LAMC1: variants seen among roughly 807,000 people sequenced by gnomAD.
The protein encoded by LAMC1 is laminin subunit gamma-1.
Under a neutral mutation model 173.6 loss-of-function variants are expected in LAMC1, and 38 were observed. The observed-to-expected ratio is 0.22, with a 90% CI of 0.17 to 0.29. The LOEUF (loss-of-function observed/expected upper bound fraction) is 0.29. Ranked by LOEUF, LAMC1 falls within the 10% of genes least tolerant of loss-of-function variation. The pLI, the probability that LAMC1 is intolerant of heterozygous loss-of-function variation, is 1.00. For missense variants in LAMC1, 1,824 were observed against 2,051.8 expected, an observed-to-expected ratio of 0.89 and a Z score of 2.14; for synonymous variants, 746 against 749.1, an observed-to-expected ratio of 1.00 and a Z score of 0.07.
intron 1 of LAMC1, among the ~76,000 whole-genome samples, chr1:183,045,236 C>G (rs1654237615): frequency 6.6e-6 from 1 of 151,428 alleles, no homozygotes; most frequent in African/African-American, 2.4e-5. Flanking sequence ...GTTTATGCAG[C>G]CAAGTATTCT....
At chr1:183,025,346 T>G (rs980390875) in intron 1 of LAMC1, among the ~76,000 whole-genome samples, 6 of 152,248 alleles carry the variant, frequency 3.9e-5, no homozygotes, top group African/African-American at 1.4e-4. Flanking sequence ...CAAAAAGTAC[T>G]TTGAAAAGTG....
chr1:183,083,994 T>C (rs1655357096), intron 1 of LAMC1, among the ~76,000 whole-genome samples: 1 of 152,212 alleles, frequency 6.6e-6, no homozygotes, highest in Non-Finnish European at 1.5e-5. Flanking sequence ...TAGTTTTTCT[T>C]ACTGGTTTAT....
intron 7 of LAMC1, 21 bp downstream of exon 7, chr1:183,116,696 C>T (rs1321750381): frequency 6.2e-7 from 1 of 1,606,876 alleles, no homozygotes; most frequent in Non-Finnish European, 8.5e-7. Context: ...CTTTCTCTAG[C>T]TGCATTGTGT....
At chr1:183,114,417 C>A in intron 4 of LAMC1, 114 bp from the exon 5 acceptor site, 1 of 1,043,922 alleles carries the variant, frequency 9.6e-7, no homozygotes, top group Non-Finnish European at 1.5e-6. Flanking sequence ...CATTCTTAGT[C>A]TACCACCATC....
At chr1:183,043,399 A>G (rs965134276) in intron 1 of LAMC1, among the ~76,000 whole-genome samples, 2 of 152,212 alleles carry the variant, frequency 1.3e-5, no homozygotes, top group Non-Finnish European at 2.9e-5. Context: ...ATGAAGGATT[A>G]TGGACTTATA....
intron 1 of LAMC1, among the ~76,000 whole-genome samples, chr1:183,038,072 G>A (rs1024691075): frequency 7.1e-6 from 1 of 140,634 alleles, no homozygotes; most frequent in African/African-American, 2.7e-5. Flanking sequence ...GTCTTGCTCT[G>A]TTGCCCAGGC....
chr1:183,082,787 C>A (rs1655319948), intron 1 of LAMC1, among the ~76,000 whole-genome samples: 1 of 152,198 alleles, frequency 6.6e-6, no homozygotes, highest in Non-Finnish European at 1.5e-5. Flanking sequence ...TTAGTGTCAA[C>A]CGTATGGCAA....
intron 16 of LAMC1, among the ~76,000 whole-genome samples, chr1:183,126,715 A>G (rs1003313018): frequency 1.3e-5 from 2 of 152,208 alleles, no homozygotes; most frequent in Non-Finnish European, 2.9e-5. Flanking sequence ...TCCTTGGCAT[A>G]AACACTTGCC....
At position 183,024,139 on chromosome 1, in the gene LAMC1, G is replaced by C; in HGVS notation, c.418+5G>C. ...TCAACCTCACGCTGCACCTGGGTAA[G>C]CGGTGACAGCCCCGTCCCCTGCTAC... On this transcript the variant is annotated splice_donor_5th_base_variant and intron_variant, in intron 1 of 27. Coordinates refer to ENST00000258341, the MANE Select transcript of LAMC1 (RefSeq NM_002293.4). 6.4e-7 allele frequency: 1 copy of C among 1,559,238 alleles called. No individual in the cohort carries two copies. Among genetic ancestry groups the C allele is most frequent in the Non-Finnish European group, 8.7e-7 (1 of 1,151,360 alleles).
intron 13 of LAMC1, among the ~76,000 whole-genome samples, chr1:183,123,621 C>T (rs1328451539): frequency 6.6e-6 from 1 of 152,178 alleles, no homozygotes; most frequent in Non-Finnish European, 1.5e-5. Flanking sequence ...TCCCTACCCA[C>T]CAATATAAAG....
At chr1:183,059,239 T>C (rs1453146545) in intron 1 of LAMC1, among the ~76,000 whole-genome samples, 1 of 152,232 alleles carries the variant, frequency 6.6e-6, no homozygotes, top group Non-Finnish European at 1.5e-5. Flanking sequence ...GATGCTGTTA[T>C]TAACTCAGGC....
Position 183,124,786 on chromosome 1 carries a change from A to G in LAMC1, c.2557A>G (p.Ile853Val). ...NRLTGECLKCIYNTAGFYCDR... is the reference protein window; with the variant it reads ...NRLTGECLKCVYNTAGFYCDR... ...CTTGACGGGAGAATGCCTGAAGTGC[A>G]TCTATAACACTGCTGGCTTCTATTG... The change falls in exon 14 of 28, where the codon ATC (isoleucine) becomes GTC (valine). Residue 853 changes from isoleucine (I) to valine (V), a missense_variant. Physicochemically the swap from Ile to Val is conservative, Grantham distance 29 (BLOSUM62 3). Transcript: ENST00000258341. The G allele has an allele frequency of 8.7e-6, 14 of 1,614,208 alleles. No individual in the cohort carries two copies. The highest frequency in any genetic ancestry group is 1.1e-5 in the Non-Finnish European group (13 of 1,180,026).
chr1:183,116,820 C>G lies in LAMC1; in HGVS notation c.1481C>G (p.Pro494Arg), dbSNP rs1188174158. Residue 494 changes from proline (P) to arginine (R), a missense_variant, in exon 8 of 28, where the codon CCC becomes CGC. Transcript: ENST00000258341. Reference sequence around the variant, plus strand: ...TCATCTAATCCTCGGGGTTGCACACCCTGCTTCTGCTTTGGGCATTCTTCT... The same window carrying G: ...TCATCTAATCCTCGGGGTTGCACACGCTGCTTCTGCTTTGGGCATTCTTCT... ...LESSNPRGCTPCFCFGHSSVC... is the reference protein window; with the variant it reads ...LESSNPRGCTRCFCFGHSSVC... 12 of 1,613,800 alleles carry G rather than the reference C, an allele frequency of 7.4e-6. No individual in the cohort carries two copies. The highest frequency in any genetic ancestry group is 1.6e-4 in the Middle Eastern group (1 of 6,082).
chr1:183,055,441 A>G (rs979988379), intron 1 of LAMC1, among the ~76,000 whole-genome samples: 2 of 151,692 alleles, frequency 1.3e-5, no homozygotes, highest in Non-Finnish European at 2.9e-5. Context: ...TCATTTGTAA[A>G]AAAAGTTAGG....
At chr1:183,098,588 C>T (rs1174844623) in intron 1 of LAMC1, among the ~76,000 whole-genome samples, 3 of 152,206 alleles carry the variant, frequency 2.0e-5, no homozygotes, top group African/African-American at 4.8e-5. Context: ...AGTCAGCTAC[C>T]TTTGCTGGAC....
At chr1:183,140,301 G>A (rs1422793805) in intron 26 of LAMC1, 103 bp from the exon 27 acceptor site, 9 of 420,000 alleles carry the variant, frequency 2.1e-5, no homozygotes, top group Non-Finnish European at 3.5e-5. Flanking sequence ...GTTAGAAAAG[G>A]GAAGAAAATC....
intron 20 of LAMC1, 42 bp from the exon 21 acceptor site, chr1:183,132,358 A>G (rs745836657): frequency 3.3e-6 from 5 of 1,522,258 alleles, no homozygotes; most frequent in Non-Finnish European, 2.7e-6. Context: ...TGTCCCTATC[A>G]GATGGTTGTT....
Position 183,023,627 on chromosome 1 carries a change from G to A in LAMC1, c.-90G>A. ...CAGGCCCCTGGGCCCCCAGGCTCAAGCAGCGAAGCGGCCTCCGGGGGACGC... is the reference window on the plus strand; with the variant it reads ...CAGGCCCCTGGGCCCCCAGGCTCAAACAGCGAAGCGGCCTCCGGGGGACGC... On this transcript the variant is annotated 5_prime_UTR_variant, in exon 1 of 28. Coordinates refer to ENST00000258341, the MANE Select transcript of LAMC1 (RefSeq NM_002293.4). 1 of 1,022,118 alleles carries A rather than the reference G, an allele frequency of 9.8e-7. No individual in the cohort carries two copies. The highest frequency in any genetic ancestry group is 1.2e-6 in the Non-Finnish European group (1 of 828,184). 63.3% of individuals were successfully genotyped at this position (1,022,118 alleles called of 1,614,324 possible). A position where few individuals can be genotyped will look rare whatever the true frequency, so the allele number is the denominator to read the frequency against.
chr1:183,080,405 G>A (rs112089956), intron 1 of LAMC1, among the ~76,000 whole-genome samples: 3 of 152,264 alleles, frequency 2.0e-5, no homozygotes, highest in Non-Finnish European at 4.4e-5. Flanking sequence ...TTGGAGATGT[G>A]GACACTAGTT....
Sources: allele counts gnomAD v4.1 joint callset (sites outside exome capture counted in the v4.1 genomes callset), GRCh38; gene constraint gnomAD v4.1.1; transcripts MANE v1.5; gene names NCBI Gene and HGNC (gene_info 2026-07-23, HGNC 2026-07-21).